The following ARFGEF1 variants were observed in gnomAD, a reference collection of about 807,000 sequenced individuals.
ARFGEF1 encodes brefeldin A-inhibited guanine nucleotide-exchange protein 1.
In ARFGEF1, 42 loss-of-function variants were observed where a neutral mutation model predicts 231.0. The observed-to-expected ratio is 0.18, with a 90% confidence interval of 0.14 to 0.24. ARFGEF1 has a LOEUF of 0.24. Among genes scored for constraint, ARFGEF1 ranks in the 10% least tolerant of loss-of-function variants. The probability of loss-of-function intolerance (pLI) is 1.00; values close to 1 mark genes in which losing one functional copy is unlikely to be tolerated. For missense variants in ARFGEF1, 1,345 were observed against 2,192.0 expected, an observed-to-expected ratio of 0.61 and a Z score of 7.72; for synonymous variants, 710 against 732.3, an observed-to-expected ratio of 0.97 and a Z score of 0.49.
At position 67,330,400 on chromosome 8, in the gene ARFGEF1, C is replaced by G. The variant is rs555055341; in HGVS notation, c.124+12764G>C. Among the ~76,000 whole-genome samples, 4 of 152,172 alleles carry G rather than the reference C, an allele frequency of 2.6e-5. No individual in the cohort carries two copies. In the South Asian group the frequency reaches 8.3e-4, roughly 32 times the overall value. ...TTACCACTCAAGGAATCTTCTATAA[C>G]AGTCATAAAAATGGGGATTGAGGGT... On this transcript the variant is annotated intron_variant, in intron 1 of 38. Coordinates refer to ENST00000262215, the MANE Select transcript of ARFGEF1 (RefSeq NM_006421.5).
At chr8:67,268,277 T>C (rs954664401) in intron 10 of ARFGEF1, among the ~76,000 whole-genome samples, 5 of 152,208 alleles carry the variant, frequency 3.3e-5, no homozygotes, top group African/African-American at 9.6e-5. Flanking sequence ...GTATCTCCTA[T>C]AGACTGTAAG....
At chr8:67,178,750 G>A (rs950065962) in intron 5 of ARFGEF1, among the ~76,000 whole-genome samples, 2 of 152,178 alleles carry the variant, frequency 1.3e-5, no homozygotes, top group African/African-American at 4.8e-5. Context: ...CATGTAAGGA[G>A]CAGTGGGAGA....
intron 34 of ARFGEF1, among the ~76,000 whole-genome samples, chr8:67,209,323 C>T (rs1047537228): frequency 6.6e-6 from 1 of 152,134 alleles, no homozygotes; most frequent in Non-Finnish European, 1.5e-5. Context: ...AGAAGACAGA[C>T]ACAAAAGGTT....
rs376677831 is a variant in ARFGEF1 at position 67,257,799 on chromosome 8, C to G, written c.2459G>C (p.Ser820Thr). 2.0e-5 allele frequency: 32 copies of G among 1,609,036 alleles called. No homozygotes were observed. Among genetic ancestry groups the G allele is most frequent in the African/African-American group, 1.2e-4 (9 of 74,604 alleles). The stretch of plus-strand genomic sequence containing the variant: ...AGCCAAAACATAAGCTGTATCCGCA[C>G]TAGCAAAGAGAGTTTGTCTGGAAAA... ...ECNQGQTLFA[S>T]ADTAYVLAYS... The change falls in exon 17 of 39, where the codon AGT (serine) becomes ACT (threonine). Residue 820 changes from serine (S) to threonine (T), a missense_variant. By Grantham distance (58) the Ser-to-Thr change is moderately conservative. Coordinates refer to ENST00000262215, the MANE Select transcript of ARFGEF1 (RefSeq NM_006421.5).
intron 5 of ARFGEF1, among the ~76,000 whole-genome samples, chr8:67,189,723 ACTTATT>A (rs1280402028): frequency 6.6e-6 from 1 of 152,218 alleles, no homozygotes; most frequent in Non-Finnish European, 1.5e-5. Flanking sequence ...GATGTCACCA[ACTTATT>A]GGTGTAGCAA....
At position 67,315,117 on chromosome 8, in the gene ARFGEF1, G is replaced by A. The variant is rs993008717; in HGVS notation, c.125-12651C>T. ...ATATCAAAAGAAAGCAGGCGTGGCT[G>A]TATTAATATCAGATAAAGTAGAACT... On this transcript the variant is annotated intron_variant, in intron 1 of 38. Coordinates refer to ENST00000262215, the MANE Select transcript of ARFGEF1 (RefSeq NM_006421.5). Among the ~76,000 whole-genome samples the A allele has an allele frequency of 5.9e-5, 9 of 152,152 alleles. No individual in the cohort carries two copies. The South Asian group carries it at 1.9e-3, about 32-fold the overall frequency.
intron 7 of ARFGEF1, among the ~76,000 whole-genome samples, chr8:67,279,094 T>C (rs935639360): frequency 3.9e-5 from 6 of 152,210 alleles, no homozygotes; most frequent in Middle Eastern, 3.4e-3. Flanking sequence ...TGAGACACCA[T>C]TGCTACAAAA....
downstream of ARFGEF1, among the ~76,000 whole-genome samples, chr8:67,194,453 T>C (rs1190488261): frequency 1.3e-5 from 2 of 152,210 alleles, no homozygotes; most frequent in African/African-American, 2.4e-5. Flanking sequence ...ACATGGTTAA[T>C]TGATGGGACA....
intron 36 of ARFGEF1, 63 bp downstream of exon 36, chr8:67,203,020 C>A: frequency 6.6e-7 from 1 of 1,512,744 alleles, no homozygotes; most frequent in Non-Finnish European, 9.0e-7. Flanking sequence ...GTTCTGAGAC[C>A]TGTATGTACC....
intron 29 of ARFGEF1, among the ~76,000 whole-genome samples, chr8:67,221,733 G>C (rs1301363406): frequency 2.0e-5 from 3 of 151,974 alleles, no homozygotes. Context: ...CTCACTCACT[G>C]AGTCACCCAG....
intron 5 of ARFGEF1, chr8:67,180,024 A>T: frequency 2.7e-5 from 4 of 148,456 alleles, no homozygotes; most frequent in Non-Finnish European, 4.2e-5. Context: ...ACAAGGTAGT[A>T]AAAAAAAAAA....
At chr8:67,297,601 C>G (rs1806292721) in intron 4 of ARFGEF1, among the ~76,000 whole-genome samples, 1 of 151,986 alleles carries the variant, frequency 6.6e-6, no homozygotes. Context: ...ATTCCTAAGG[C>G]AAATATTTCA....
chr8:67,196,642 G>C (rs150284960), downstream of ARFGEF1, among the ~76,000 whole-genome samples: 517 of 152,218 alleles, frequency 3.4e-3, 6 homozygotes, highest in African/African-American at 0.011. Context: ...ATTTTTATTT[G>C]ATTTTCTAAT....
At chr8:67,255,459 AT>A (rs1211997606) in intron 17 of ARFGEF1, among the ~76,000 whole-genome samples, 1 of 152,210 alleles carries the variant, frequency 6.6e-6, no homozygotes, top group Non-Finnish European at 1.5e-5. Flanking sequence ...CACACACTAC[AT>A]AAAAAGTAGC....
At chr8:67,246,843 A>G (rs1291162230) in intron 19 of ARFGEF1, among the ~76,000 whole-genome samples, 1 of 150,268 alleles carries the variant, frequency 6.7e-6, no homozygotes, top group East Asian at 1.9e-4. Flanking sequence ...AAACTTGACA[A>G]ACCTTAACCA....
chr8:67,193,751 C>G, downstream of ARFGEF1: 1 of 567,098 alleles, frequency 1.8e-6, no homozygotes, highest in Non-Finnish European at 2.9e-6. Context: ...AACTATTGAG[C>G]AAAACCAGAC....
At chr8:67,276,414 C>A (rs904786556) in intron 8 of ARFGEF1, among the ~76,000 whole-genome samples, 1 of 152,110 alleles carries the variant, frequency 6.6e-6, no homozygotes, top group Non-Finnish European at 1.5e-5. Flanking sequence ...CTGACAAGAT[C>A]CTATCCAAAG....
chr8:67,222,164 CAT>C (rs1333771303), intron 29 of ARFGEF1, among the ~76,000 whole-genome samples: 79 of 119,054 alleles, frequency 6.6e-4, no homozygotes, highest in East Asian at 2.2e-3. Context: ...CTTTTCCATG[CAT>C]ATATATATAT....
intron 5 of ARFGEF1, among the ~76,000 whole-genome samples, chr8:67,191,567 T>G (rs1034922167): frequency 2.0e-5 from 3 of 152,254 alleles, no homozygotes; most frequent in African/African-American, 7.2e-5. Flanking sequence ...TGTCTTTCTT[T>G]TGAAGGTCAT....
Sources: allele counts gnomAD v4.1 joint callset (sites outside exome capture counted in the v4.1 genomes callset), GRCh38; gene constraint gnomAD v4.1.1; transcripts MANE v1.5; gene names NCBI Gene and HGNC (gene_info 2026-07-23, HGNC 2026-07-21).